ADAMTS16: variants seen among roughly 807,000 people sequenced by gnomAD.
ADAMTS16 encodes ADAM metallopeptidase with thrombospondin type 1 motif 16.
Under a neutral mutation model 145.8 loss-of-function variants are expected in ADAMTS16, and 94 were observed. That is an observed-to-expected ratio of 0.64 (90% CI 0.55 to 0.77). The LOEUF (loss-of-function observed/expected upper bound fraction) is 0.77, where lower values mean the gene tolerates loss of function less well. ADAMTS16 is among the 30% of genes least tolerant of loss of function. ADAMTS16 has a pLI of 0.00. For synonymous variants in ADAMTS16, 659 were observed against 604.3 expected (o/e 1.09, Z -1.33); for missense variants, 1,585 against 1,591.5 (o/e 1.00, Z 0.07).
At chr5:5,168,193 C>A (rs145617361) in intron 3 of ADAMTS16, among the ~76,000 whole-genome samples, 74 of 152,106 alleles carry the variant, frequency 4.9e-4, no homozygotes, top group South Asian at 2.1e-3. Context: ...TATTTTAAAT[C>A]TCAGTCATAT....
intron 17 of ADAMTS16, among the ~76,000 whole-genome samples, chr5:5,255,979 T>C (rs1737766182): frequency 6.6e-6 from 1 of 152,240 alleles, no homozygotes. Flanking sequence ...TTCCACAGTT[T>C]ATCTTTTGTA....
At chr5:5,215,482 C>A (rs992238838) in intron 10 of ADAMTS16, among the ~76,000 whole-genome samples, 6 of 151,888 alleles carry the variant, frequency 4.0e-5, no homozygotes, top group Admixed American at 2.6e-4. Context: ...GCCTTTTATC[C>A]CTCGGCCCCC....
intron 8 of ADAMTS16, among the ~76,000 whole-genome samples, chr5:5,193,646 T>C (rs1456857017): frequency 6.6e-6 from 1 of 152,210 alleles, no homozygotes; most frequent in Non-Finnish European, 1.5e-5. Flanking sequence ...AGGCCCTCAG[T>C]TGATCTTCAG....
At position 5,196,047 on chromosome 5, in the gene ADAMTS16, G is replaced by A. The variant is rs189626775; in HGVS notation, c.1314-4085G>A. 3.6e-3 allele frequency among the ~76,000 whole-genome samples: 542 copies of A among 152,012 alleles called. 4 individuals carry two copies. The highest frequency in any genetic ancestry group is 6.0e-3 in the Non-Finnish European group (405 of 67,970). ...TCCAGACCAGCCTGGCCAAGATGGC[G>A]AAACCCCATCTCTACTAAAAATACA... On this transcript the variant is annotated intron_variant, in intron 8 of 22. Transcript: ENST00000274181.
intron 21 of ADAMTS16, among the ~76,000 whole-genome samples, chr5:5,315,233 G>A (rs1025840083): frequency 1.3e-5 from 2 of 152,156 alleles, no homozygotes; most frequent in African/African-American, 4.8e-5. Context: ...AGAACAGCAT[G>A]GGGGTAATTG....
chr5:5,305,307 T>C (rs201503621), intron 20 of ADAMTS16, among the ~76,000 whole-genome samples: 97 of 16,132 alleles, frequency 6.0e-3, no homozygotes, highest in African/African-American at 9.0e-3. Context: ...CACACACACA[T>C]CCCACACCAC....
chr5:5,231,117 G>A (rs926048922), intron 11 of ADAMTS16, among the ~76,000 whole-genome samples: 3 of 152,180 alleles, frequency 2.0e-5, no homozygotes, highest in Admixed American at 6.5e-5. Context: ...CTGTCCAAGA[G>A]CAGGAGCCTA....
chr5:5,186,503 C>T (rs927592105), intron 5 of ADAMTS16, among the ~76,000 whole-genome samples: 1 of 151,200 alleles, frequency 6.6e-6, no homozygotes, highest in African/African-American at 2.4e-5. Context: ...CCTCTGTAAG[C>T]CTGTGAGATG....
intron 12 of ADAMTS16, 90 bp downstream of exon 12, chr5:5,232,606 T>C: frequency 3.1e-6 from 4 of 1,298,644 alleles, no homozygotes; most frequent in East Asian, 2.6e-5. Flanking sequence ...AGCTCTTTTT[T>C]TTTTTTTTTT....
In ADAMTS16 at chr5:5,317,804, G is replaced by A. The variant is rs1361244448; in HGVS notation, c.3412-330G>A. ...ACTCTAGCGGTTCAAATCCCAGCCT[G>A]AGCAAGTCCTGTCACCGCTCAAGGC... On this transcript the variant is annotated intron_variant, in intron 21 of 22. Coordinates refer to ENST00000274181, the MANE Select transcript of ADAMTS16 (RefSeq NM_139056.4). This position sits in a 1 kb window ranked among gnomAD's most constrained non-coding sequence, Gnocchi z 4.5. 6.6e-6 allele frequency among the ~76,000 whole-genome samples: 1 copy of A among 152,156 alleles called. No individual in the cohort carries two copies. Among genetic ancestry groups the A allele is most frequent in the Non-Finnish European group, 1.5e-5 (1 of 68,026 alleles).
chr5:5,288,320 C>T (rs1739177544), intron 18 of ADAMTS16, among the ~76,000 whole-genome samples: 1 of 152,140 alleles, frequency 6.6e-6, no homozygotes, highest in South Asian at 2.1e-4. Flanking sequence ...GAAAAATGAA[C>T]CTATGTTACT....
intron 18 of ADAMTS16, among the ~76,000 whole-genome samples, chr5:5,296,228 C>T: frequency 6.6e-6 from 1 of 152,176 alleles, no homozygotes; most frequent in Non-Finnish European, 1.5e-5. Context: ...GGCTCTGAGC[C>T]AGCAGCCTGC....
intron 18 of ADAMTS16, among the ~76,000 whole-genome samples, chr5:5,288,958 T>C (rs969639857): frequency 2.0e-5 from 3 of 152,230 alleles, no homozygotes; most frequent in Admixed American, 2.0e-4. Flanking sequence ...AATGAAATTC[T>C]AACAGCAGTG....
chr5:5,224,913 C>T (rs1438205640), intron 11 of ADAMTS16, among the ~76,000 whole-genome samples: 1 of 152,064 alleles, frequency 6.6e-6, no homozygotes, highest in African/African-American at 2.4e-5. Context: ...TCACAATAAC[C>T]TGTACATTCT....
chr5:5,232,450 G>A lies in ADAMTS16; in HGVS notation c.1784G>A (p.Trp595Ter). ...THGHWSDWSS[W>*]SPCSRTCGGG... is the part of the protein sequence containing the mutation. ...GGCCACTGGTCGGACTGGTCTTCTT[G>A]GTCCCCATGCTCCAGGACCTGCGGA... The change falls in exon 12 of 23, where the codon TGG becomes TAG. Residue 595 changes from tryptophan to a stop codon, truncating the protein, a stop_gained. Transcript: ENST00000274181. LOFTEE classifies it high-confidence loss of function. 6.2e-7 allele frequency: 1 copy of A among 1,614,024 alleles called. No individual in the cohort carries two copies. Among genetic ancestry groups the A allele is most frequent in the Non-Finnish European group, 8.5e-7 (1 of 1,179,998 alleles).
rs377166680 is a variant in ADAMTS16 at position 5,221,745 on chromosome 5, C to T, written c.1606-1044C>T. 7.9e-4 allele frequency among the ~76,000 whole-genome samples: 120 copies of T among 152,236 alleles called. 1 individual carries two copies. The Middle Eastern group carries it at 0.01, about 13-fold the overall frequency. ...AGATTTAAGAACTGGTGTTAAAACC[C>T]TTCATGAGATGACTCACACAATGCA... is the stretch of plus-strand genomic sequence containing the variant. On this transcript the variant is annotated intron_variant, in intron 10 of 22. Coordinates refer to ENST00000274181, the MANE Select transcript of ADAMTS16 (RefSeq NM_139056.4).
intron 13 of ADAMTS16, 111 bp downstream of exon 13, chr5:5,235,297 G>A: frequency 8.5e-7 from 1 of 1,172,100 alleles, no homozygotes; most frequent in Non-Finnish European, 1.1e-6. Flanking sequence ...GTCGCTCTGG[G>A]AGGTGAGGGT....
intron 18 of ADAMTS16, among the ~76,000 whole-genome samples, chr5:5,297,722 T>A (rs1162583570): frequency 5.9e-5 from 9 of 151,806 alleles, no homozygotes. Context: ...CTTTGGCTCC[T>A]CACAGTCCCT....
intron 5 of ADAMTS16, 44 bp from the exon 6 acceptor site, chr5:5,187,681 A>T: frequency 2.9e-6 from 4 of 1,393,422 alleles, no homozygotes; most frequent in Non-Finnish European, 3.1e-6. Flanking sequence ...GTAGGGGGGA[A>T]AATGCCATTT....
Sources: allele counts gnomAD v4.1 joint callset (sites outside exome capture counted in the v4.1 genomes callset), GRCh38; gene constraint gnomAD v4.1.1; non-coding constraint Gnocchi (gnomAD v3.1); transcripts MANE v1.5; gene names NCBI Gene and HGNC (gene_info 2026-07-23, HGNC 2026-07-21).